The following LONRF1 variants were observed in gnomAD, a reference collection of about 807,000 sequenced individuals.
LONRF1 encodes the protein LON peptidase N-terminal domain and ring finger 1, also known as LON peptidase N-terminal domain and RING finger protein 1.
Under a neutral mutation model 85.8 loss-of-function variants are expected in LONRF1, and 37 were observed. The ratio of observed to expected loss-of-function variants is 0.43; its 90% CI spans 0.33 to 0.57. LONRF1 has a LOEUF of 0.57. Ranked by LOEUF, LONRF1 falls within the 20% of genes least tolerant of loss-of-function variation. The pLI is 0.04. For synonymous variants in LONRF1, 517 were observed against 390.1 expected (o/e 1.33, Z -3.83); for missense variants, 1,036 against 978.0 (o/e 1.06, Z -0.79).
At chr8:12,738,277 A>G in intron 3 of LONRF1, 133 bp from the exon 4 acceptor site, 1 of 601,888 alleles carries the variant, frequency 1.7e-6, no homozygotes, top group Non-Finnish European at 2.7e-6. Context: ...GAGGGGAACA[A>G]GGTAAGCAAC....
chr8:12,750,706 G>C (rs1799346484), intron 1 of LONRF1, among the ~76,000 whole-genome samples: 1 of 152,118 alleles, frequency 6.6e-6, no homozygotes, highest in Non-Finnish European at 1.5e-5. Context: ...CTGATCTTCT[G>C]ATAGCTAAAG....
chr8:12,737,183 A>G, intron 4 of LONRF1, 43 bp from the exon 5 acceptor site: 1 of 1,594,828 alleles, frequency 6.3e-7, no homozygotes. Context: ...TTTCTTTACT[A>G]TCCTTTATTC....
intron 7 of LONRF1, among the ~76,000 whole-genome samples, chr8:12,733,021 G>A (rs1383418860): frequency 6.6e-6 from 1 of 152,132 alleles, no homozygotes; most frequent in Non-Finnish European, 1.5e-5. Flanking sequence ...AGTTTAGCAT[G>A]AATCGCGGCT....
At chr8:12,750,974 CATT>C (rs1159270451) in intron 1 of LONRF1, among the ~76,000 whole-genome samples, 1 of 152,198 alleles carries the variant, frequency 6.6e-6, no homozygotes, top group East Asian at 1.9e-4. Context: ...TGTTTTGACT[CATT>C]TGATTCTCAC....
At chr8:12,751,310 T>TTTG (rs1799391475) in intron 1 of LONRF1, among the ~76,000 whole-genome samples, 1 of 132,150 alleles carries the variant, frequency 7.6e-6, no homozygotes, top group African/African-American at 2.8e-5. Flanking sequence ...TTTTTTTTTT[T>TTTG]TTTTTTTTTT....
intron 1 of LONRF1, among the ~76,000 whole-genome samples, chr8:12,743,673 A>T (rs1367900054): frequency 1.3e-5 from 2 of 152,038 alleles, no homozygotes; most frequent in Non-Finnish European, 2.9e-5. Context: ...CTACTTTCTA[A>T]ATCTTCATTT....
intron 4 of LONRF1, 68 bp from the exon 5 acceptor site, chr8:12,737,208 C>G: frequency 6.4e-7 from 1 of 1,559,588 alleles, no homozygotes; most frequent in Non-Finnish European, 8.8e-7. Context: ...CACCAAGAAT[C>G]AAACTGAAAT....
intron 1 of LONRF1, among the ~76,000 whole-genome samples, chr8:12,747,864 C>G (rs1002146134): frequency 6.6e-6 from 1 of 151,932 alleles, no homozygotes; most frequent in African/African-American, 2.4e-5. Context: ...TCTGTCTGGT[C>G]TGCTGGTGCC....
chr8:12,728,765 G>T, intron 10 of LONRF1, 136 bp downstream of exon 10: 4 of 915,714 alleles, frequency 4.4e-6, no homozygotes, highest in East Asian at 2.5e-5. Context: ...AAGGTAACTT[G>T]GAGCACATTC....
intron 10 of LONRF1, 59 bp from the exon 11 acceptor site, chr8:12,725,938 G>T: frequency 6.7e-7 from 1 of 1,499,972 alleles, no homozygotes; most frequent in Non-Finnish European, 9.1e-7. Flanking sequence ...TATGCCATAT[G>T]CCAACCGACA....
rs778204554 is a variant in LONRF1 at position 12,743,268 on chromosome 8, T to C, written c.736A>G (p.Ile246Val). Residue 246 changes from isoleucine to valine, a missense_variant, in exon 2 of 12, where the codon ATT becomes GTT. Coordinates refer to ENST00000398246, the MANE Select transcript of LONRF1 (RefSeq NM_152271.5). ...EALRAEPSDLIVKIYRAESYA... is the reference protein window; with the variant it reads ...EALRAEPSDLVVKIYRAESYA... Reference sequence around the variant, plus strand: ...GATTCCGCTCTGTAAATTTTTACAATCAAGTCACTGGGTTCTGAAATAAAT... The same window carrying C: ...GATTCCGCTCTGTAAATTTTTACAACCAAGTCACTGGGTTCTGAAATAAAT... 9 of 1,591,626 alleles carry C rather than the reference T, an allele frequency of 5.7e-6. No individual in the cohort carries two copies. The highest frequency in any genetic ancestry group is 7.8e-6 in the Non-Finnish European group (9 of 1,160,908).
Position 12,754,820 on chromosome 8 carries a change from C to A in LONRF1, c.601G>T (p.Ala201Ser). The change falls in exon 1 of 12, where the codon GCC (alanine) becomes TCC (serine). Residue 201 changes from alanine to serine, a missense_variant. Physicochemically the swap from Ala to Ser is moderately conservative, Grantham distance 99. Coordinates refer to ENST00000398246, the MANE Select transcript of LONRF1 (RefSeq NM_152271.5). ...FRTSVVLNHL[A>S]EKWFPGQRER... ...CGCTGGCCCGGAAACCACTTCTCGG[C>A]CAGGTGGTTGAGGACGACGCTGGTT... 6.7e-7 allele frequency: 1 copy of A among 1,492,948 alleles called. No homozygotes were observed. Among genetic ancestry groups the A allele is most frequent in the South Asian group, 1.3e-5 (1 of 79,810 alleles). 92.5% of individuals were successfully genotyped at this position (1,492,948 alleles called of 1,614,324 possible).
At chr8:12,753,860 C>A (rs1449242540) in intron 1 of LONRF1, 1 of 152,304 alleles carries the variant, frequency 6.6e-6, no homozygotes, top group Non-Finnish European at 1.5e-5. Flanking sequence ...AGTGGAAAGG[C>A]CAGGAGAAGC....
intron 7 of LONRF1, among the ~76,000 whole-genome samples, chr8:12,734,911 A>G (rs909176076): frequency 1.3e-5 from 2 of 152,172 alleles, no homozygotes; most frequent in Admixed American, 6.6e-5. Flanking sequence ...CTAGATGTTG[A>G]GGAAGCTGAA....
At chr8:12,741,793 C>A (rs1798942959) in intron 2 of LONRF1, among the ~76,000 whole-genome samples, 2 of 152,286 alleles carry the variant, frequency 1.3e-5, no homozygotes, top group Non-Finnish European at 2.9e-5. Flanking sequence ...ATAGACATGA[C>A]ACTTTTCATA....
chr8:12,754,914 G>T lies in LONRF1; in HGVS notation c.507C>A (p.Ala169=). ...GCGGGGCGGTCCCTTCAGCATCAGT[G>T]GCACTGGCGGTGGCGGGCGGCAGCC... ...RDRLPPATAS[A]TDAEGTAPRP... Residue 169 remains alanine (A), a synonymous_variant, in exon 1 of 12, where the codon GCC becomes GCA. Coordinates refer to ENST00000398246, the MANE Select transcript of LONRF1 (RefSeq NM_152271.5). 6.7e-7 allele frequency: 1 copy of T among 1,492,500 alleles called. No homozygotes were observed. 92.5% of individuals were successfully genotyped at this position (1,492,500 alleles called of 1,614,324 possible). A position where few individuals can be genotyped will look rare whatever the true frequency, so the allele number is the denominator to read the frequency against.
At chr8:12,725,919 C>T (rs1423237241) in intron 10 of LONRF1, 40 bp from the exon 11 acceptor site, 4 of 1,579,576 alleles carry the variant, frequency 2.5e-6, no homozygotes, top group African/African-American at 1.3e-5. Context: ...GTGTCTAATC[C>T]CCCGTCCATA....
At chr8:12,735,493 A>G (rs1798683749) in intron 6 of LONRF1, 93 bp from the exon 7 acceptor site, 2 of 815,186 alleles carry the variant, frequency 2.5e-6, no homozygotes, top group African/African-American at 1.7e-5. Context: ...ATCTCTATTT[A>G]AAGGAGGAAG....
At chr8:12,748,008 A>C (rs533359311) in intron 1 of LONRF1, among the ~76,000 whole-genome samples, 27 of 152,304 alleles carry the variant, frequency 1.8e-4, no homozygotes, top group African/African-American at 6.5e-4. Context: ...CCCATGTAAT[A>C]CTAGTCCACA....
Sources: gnomAD v4.1 joint callset for allele counts (sites outside exome capture counted in the v4.1 genomes callset) on GRCh38, gnomAD v4.1.1 for gene constraint, MANE v1.5 for transcripts, NCBI Gene and HGNC (gene_info 2026-07-23, HGNC 2026-07-21) for gene names.